The following ATRNL1 variants were observed in gnomAD, a reference collection of about 807,000 sequenced individuals.
ATRNL1 encodes the protein attractin like 1.
A neutral mutation model predicts 182.7 loss-of-function variants in ATRNL1; 95 were observed. That is an observed-to-expected ratio of 0.52 (90% CI 0.44 to 0.62). ATRNL1 has a LOEUF of 0.62. Ranked by LOEUF, ATRNL1 falls within the 20% of genes least tolerant of loss-of-function variation. The pLI is 0.00. For synonymous variants in ATRNL1, 576 were observed against 568.3 expected, an observed-to-expected ratio of 1.01 and a Z score of -0.19; for missense variants, 1,471 against 1,679.5, an observed-to-expected ratio of 0.88 and a Z score of 2.17.
intron 26 of ATRNL1, among the ~76,000 whole-genome samples, chr10:115,629,125 A>G (rs962973957): frequency 2.6e-5 from 4 of 152,140 alleles, no homozygotes; most frequent in African/African-American, 9.7e-5. Context: ...ATTATCCACA[A>G]TGTTTTTAAA....
At chr10:115,379,531 T>G (rs1554950480) in intron 19 of ATRNL1, among the ~76,000 whole-genome samples, 1 of 152,226 alleles carries the variant, frequency 6.6e-6, no homozygotes, top group South Asian at 2.1e-4. Context: ...TTATCCATAT[T>G]TTAAGATATT....
chr10:115,234,149 T>C (rs954822947), intron 9 of ATRNL1, among the ~76,000 whole-genome samples: 2 of 152,126 alleles, frequency 1.3e-5, no homozygotes, highest in Non-Finnish European at 2.9e-5. Flanking sequence ...CTGAATTCAA[T>C]ATAATAGTTG....
At chr10:115,783,394 T>C (rs890497072) in intron 27 of ATRNL1, among the ~76,000 whole-genome samples, 1 of 152,198 alleles carries the variant, frequency 6.6e-6, no homozygotes, top group Admixed American at 6.5e-5. Context: ...GAGATGGAAG[T>C]AGAGGTTCAA....
chr10:115,587,362 C>T (rs1158085029), intron 26 of ATRNL1, among the ~76,000 whole-genome samples: 1 of 151,924 alleles, frequency 6.6e-6, no homozygotes, highest in African/African-American at 2.4e-5. Context: ...CCCAGCCTCG[C>T]TGCCGCCTTG....
chr10:115,886,625 A>G lies in ATRNL1; in HGVS notation c.4018+38634A>G, dbSNP rs558423795. ...TATTTAATTTGTAGATTTGTTTTAC[A>G]TTTGTTTGGATTGTATAGTTGTATA... On this transcript the variant is annotated intron_variant, in intron 28 of 28. Transcript: ENST00000355044. 1.1e-4 allele frequency among the ~76,000 whole-genome samples: 17 copies of G among 152,342 alleles called. No homozygotes were observed. The South Asian group carries it at 3.1e-3, about 28-fold the overall frequency.
chr10:115,516,533 T>A (rs782586011), intron 24 of ATRNL1, among the ~76,000 whole-genome samples: 2 of 151,930 alleles, frequency 1.3e-5, no homozygotes, highest in Non-Finnish European at 2.9e-5. Context: ...GCCAGAATGA[T>A]ATTTTTCTTG....
intron 26 of ATRNL1, among the ~76,000 whole-genome samples, chr10:115,579,927 T>C (rs1279599638): frequency 2.0e-5 from 3 of 152,008 alleles, no homozygotes; most frequent in African/African-American, 4.8e-5. Context: ...AAATATCTAA[T>C]AGTTATAACA....
At chr10:115,174,447 T>G (rs1230691983) in intron 8 of ATRNL1, among the ~76,000 whole-genome samples, 1 of 151,848 alleles carries the variant, frequency 6.6e-6, no homozygotes, top group Non-Finnish European at 1.5e-5. Context: ...CTCCAATTTA[T>G]AGGATACAGT....
At chr10:115,871,469 TTGTGTGTGTGTATATA>T (rs1360721328) in intron 28 of ATRNL1, among the ~76,000 whole-genome samples, 2 of 140,320 alleles carry the variant, frequency 1.4e-5, no homozygotes, top group South Asian at 4.5e-4. Context: ...GTCAGATTCT[TTGTGTGTGTGTATATA>T]TATATATATA....
intron 1 of ATRNL1, among the ~76,000 whole-genome samples, chr10:115,099,835 T>C (rs1374433965): frequency 6.6e-6 from 1 of 152,242 alleles, no homozygotes; most frequent in Middle Eastern, 3.2e-3. Context: ...TCTTATGAGG[T>C]ATATCATTTG....
At chr10:115,262,174 A>ATT (rs5788100) in intron 10 of ATRNL1, among the ~76,000 whole-genome samples, 1,881 of 143,534 alleles carry the variant, frequency 0.013, 32 homozygotes, top group African/African-American at 0.041. Flanking sequence ...GGGGCAGTGG[A>ATT]TTTTTTTTTT....
chr10:115,685,763 T>C (rs1946197623), intron 26 of ATRNL1, among the ~76,000 whole-genome samples: 1 of 151,856 alleles, frequency 6.6e-6, no homozygotes, highest in African/African-American at 2.4e-5. Context: ...GGCCTATTTT[T>C]ATATTAGACT....
intron 8 of ATRNL1, among the ~76,000 whole-genome samples, chr10:115,180,250 A>T (rs1847698769): frequency 6.6e-6 from 1 of 152,020 alleles, no homozygotes; most frequent in African/African-American, 2.4e-5. Context: ...ATTTGTTTTT[A>T]AAAATAGCTT....
intron 26 of ATRNL1, among the ~76,000 whole-genome samples, chr10:115,563,483 C>T (rs1555000413): frequency 6.6e-6 from 1 of 152,096 alleles, no homozygotes. Context: ...TGTTAACAGG[C>T]ATTTATATAC....
intron 10 of ATRNL1, among the ~76,000 whole-genome samples, chr10:115,244,314 C>T (rs1346771303): frequency 6.6e-6 from 1 of 151,996 alleles, no homozygotes; most frequent in African/African-American, 2.4e-5. Context: ...CAGTCAATAT[C>T]GCTAATCTTT....
chr10:115,596,992 A>C (rs1311808648), intron 26 of ATRNL1, among the ~76,000 whole-genome samples: 12 of 151,832 alleles, frequency 7.9e-5, no homozygotes, highest in African/African-American at 2.4e-4. Flanking sequence ...AAAAAGGTTA[A>C]AAAAAATCCT....
intron 26 of ATRNL1, among the ~76,000 whole-genome samples, chr10:115,612,649 G>A (rs1450368409): frequency 6.6e-6 from 1 of 152,228 alleles, no homozygotes; most frequent in Non-Finnish European, 1.5e-5. Context: ...TTCACTAGCT[G>A]TCCTTGTGAC....
chr10:115,572,632 G>T (rs1423605818), intron 26 of ATRNL1, among the ~76,000 whole-genome samples: 1 of 152,184 alleles, frequency 6.6e-6, no homozygotes, highest in Non-Finnish European at 1.5e-5. Flanking sequence ...TCACATAGCA[G>T]TTGGACATAA....
chr10:115,152,433 C>T (rs1846283481), intron 5 of ATRNL1, among the ~76,000 whole-genome samples: 1 of 152,140 alleles, frequency 6.6e-6, no homozygotes, highest in African/African-American at 2.4e-5. Context: ...TCCTTCACAT[C>T]CCTTGTAAGT....
Sources: gnomAD v4.1 joint callset for allele counts (sites outside exome capture counted in the v4.1 genomes callset) on GRCh38, gnomAD v4.1.1 for gene constraint, MANE v1.5 for transcripts, NCBI Gene and HGNC (gene_info 2026-07-23, HGNC 2026-07-21) for gene names.